RPGRIP1L: variants seen among roughly 807,000 people sequenced by gnomAD.
The protein encoded by RPGRIP1L is protein fantom.
A neutral mutation model predicts 160.4 loss-of-function variants in RPGRIP1L; 131 were observed. The observed-to-expected ratio is 0.82, with a 90% CI of 0.71 to 0.94. RPGRIP1L has a LOEUF of 0.94. Ranked by LOEUF, RPGRIP1L falls within the 40% of genes least tolerant of loss-of-function variation. The probability of loss-of-function intolerance (pLI) is 0.00; values close to 1 mark genes in which losing one functional copy is unlikely to be tolerated. For missense variants in RPGRIP1L, 1,522 were observed against 1,535.8 expected, an observed-to-expected ratio of 0.99 and a Z score of 0.15; for synonymous variants, 510 against 515.8, an observed-to-expected ratio of 0.99 and a Z score of 0.15.
intron 10 of RPGRIP1L, chr16:53,659,202 A>AT (rs1170162469): frequency 3.6e-5 from 35 of 982,546 alleles, no homozygotes; most frequent in East Asian, 9.2e-5. Flanking sequence ...AAAATCTGTG[A>AT]TTTTTTACTT....
chr16:53,701,735 A>G (rs1413283719), intron 1 of RPGRIP1L: 1 of 151,928 alleles, frequency 6.6e-6, no homozygotes, highest in Non-Finnish European at 1.5e-5. Flanking sequence ...TTCTGAGAGC[A>G]GGCATTCATT....
chr16:53,671,442 AC>A (rs1367571604), intron 9 of RPGRIP1L, 67 bp downstream of exon 9: 2 of 980,366 alleles, frequency 2.0e-6, no homozygotes, highest in African/African-American at 3.2e-5. Context: ...TATTCTGACA[AC>A]AGCAAATGCT....
rs1053281136 is a variant in RPGRIP1L, at chr16:53,598,832, C to A, written c.*3244G>T. 3.3e-5 allele frequency: 5 copies of A among 152,176 alleles called. No individual in the cohort carries two copies. The highest frequency in any genetic ancestry group is 1.2e-4 in the African/African-American group (5 of 41,446). 9.4% of individuals were successfully genotyped at this position (152,176 alleles called of 1,614,324 possible). A position where few individuals can be genotyped will look rare whatever the true frequency, so the allele number is the denominator to read the frequency against. ...GAATTATCATCCTGATATTGTCAAT[C>A]ACTTGATAATTTTTATCCCAAAATC... On this transcript the variant is annotated 3_prime_UTR_variant, in exon 27 of 27. Transcript: ENST00000647211.
chr16:53,643,587 C>T (rs1447513980), intron 17 of RPGRIP1L, among the ~76,000 whole-genome samples: 1 of 152,148 alleles, frequency 6.6e-6, no homozygotes, highest in Non-Finnish European at 1.5e-5. Context: ...GGTGTTTAAG[C>T]ACACCTTTGA....
At position 53,601,008 on chromosome 16, in the gene RPGRIP1L, G is replaced by A. The variant is rs928991861; in HGVS notation, c.*1068C>T. On this transcript the variant is annotated 3_prime_UTR_variant, in exon 27 of 27. Transcript: ENST00000647211. Reference sequence around the variant, plus strand: ...TTTGAAGAAAATGACAAATAAAAAAGTAAATTAAAAAATGAAATGCATTAT... The same window carrying A: ...TTTGAAGAAAATGACAAATAAAAAAATAAATTAAAAAATGAAATGCATTAT... 1 of 152,540 alleles carries A rather than the reference G, an allele frequency of 6.6e-6. No homozygotes were observed. The highest frequency in any genetic ancestry group is 2.4e-5 in the African/African-American group (1 of 41,430). The allele number at this position is 152,540 out of a possible 1,614,324, so 9.4% of individuals were successfully genotyped here.
rs772351648 is a variant in RPGRIP1L, at chr16:53,636,476, C to T, written c.3257G>A (p.Cys1086Tyr). 8 of 1,612,314 alleles carry T rather than the reference C, an allele frequency of 5.0e-6. No homozygotes were observed. In the Admixed American group the frequency reaches 8.3e-5, roughly 17 times the overall value. The stretch of plus-strand genomic sequence containing the variant: ...CTTGGAGATAGGACCTGGAATAATA[C>T]AGTCATCACTGTCAGAAGCTGACAT... Reference protein sequence around the residue: ...EDMSASDSDDCIIPGPISKNI... With the variant: ...EDMSASDSDDYIIPGPISKNI... The change falls in exon 22 of 27, where the codon TGT (cysteine) becomes TAT (tyrosine). Residue 1086 changes from cysteine to tyrosine, a missense_variant. Coordinates refer to ENST00000647211, the MANE Select transcript of RPGRIP1L (RefSeq NM_015272.5).
intron 23 of RPGRIP1L, among the ~76,000 whole-genome samples, chr16:53,621,476 G>A (rs925960702): frequency 1.1e-4 from 15 of 137,730 alleles, no homozygotes; most frequent in African/African-American, 3.5e-4. Context: ...CCATTACTTC[G>A]ATCAAATGTC....
intron 6 of RPGRIP1L, among the ~76,000 whole-genome samples, chr16:53,680,916 T>A (rs1411107561): frequency 6.6e-6 from 1 of 152,102 alleles, no homozygotes. Flanking sequence ...AAAGAAGGCT[T>A]AAGCAAGAGC....
At chr16:53,608,220 T>C (rs1249507354) in intron 25 of RPGRIP1L, among the ~76,000 whole-genome samples, 1 of 152,112 alleles carries the variant, frequency 6.6e-6, no homozygotes. Context: ...TCTGAGCTTT[T>C]TGTGACTTGA....
intron 16 of RPGRIP1L, among the ~76,000 whole-genome samples, chr16:53,647,016 A>T (rs2151089389): frequency 6.6e-6 from 1 of 152,326 alleles, no homozygotes; most frequent in South Asian, 2.1e-4. Flanking sequence ...CAATCTACAC[A>T]CCAGAGCTGA....
intron 14 of RPGRIP1L, chr16:53,653,476 C>A: frequency 3.4e-6 from 1 of 298,182 alleles, no homozygotes; most frequent in Non-Finnish European, 5.0e-6. Flanking sequence ...AGAGGCCAAC[C>A]AAATATCACC....
intron 6 of RPGRIP1L, among the ~76,000 whole-genome samples, chr16:53,683,763 T>C (rs1969780573): frequency 6.6e-6 from 1 of 150,498 alleles, no homozygotes; most frequent in African/African-American, 2.4e-5. Context: ...AAAGATAAAG[T>C]ATTGTTGAAA....
intron 26 of RPGRIP1L, among the ~76,000 whole-genome samples, chr16:53,603,442 T>C (rs1963490179): frequency 6.6e-6 from 1 of 152,108 alleles, no homozygotes; most frequent in African/African-American, 2.4e-5. Flanking sequence ...CAACCACCCA[T>C]CTTAGCCTCC....
intron 6 of RPGRIP1L, among the ~76,000 whole-genome samples, chr16:53,678,747 A>T (rs1230025476): frequency 1.3e-5 from 2 of 152,160 alleles, no homozygotes; most frequent in Non-Finnish European, 2.9e-5. Flanking sequence ...GAATGGAGAG[A>T]CTGTTTTGAG....
intron 17 of RPGRIP1L, among the ~76,000 whole-genome samples, chr16:53,642,413 C>T (rs529122730): frequency 1.3e-5 from 2 of 151,336 alleles, no homozygotes; most frequent in East Asian, 3.9e-4. Context: ...AGTGTTGATA[C>T]TCCTTTTAAT....
intron 7 of RPGRIP1L, among the ~76,000 whole-genome samples, chr16:53,673,347 A>C (rs1030318167): frequency 7.2e-5 from 11 of 152,150 alleles, no homozygotes; most frequent in African/African-American, 2.7e-4. Context: ...CTGTGGTTAC[A>C]TTGGTTGGAC....
chr16:53,649,722 G>C (rs995703229), intron 15 of RPGRIP1L, among the ~76,000 whole-genome samples: 1 of 152,182 alleles, frequency 6.6e-6, no homozygotes, highest in Non-Finnish European at 1.5e-5. Flanking sequence ...CTTCCATGGG[G>C]AAGACTTTCT....
intron 10 of RPGRIP1L, chr16:53,659,341 A>G (rs1967564210): frequency 3.9e-6 from 1 of 253,336 alleles, no homozygotes; most frequent in Non-Finnish European, 6.5e-6. Flanking sequence ...TTTCCAGAAC[A>G]TGGTAGGGGG....
intron 14 of RPGRIP1L, among the ~76,000 whole-genome samples, chr16:53,654,837 C>G (rs1486273731): frequency 6.6e-6 from 1 of 152,134 alleles, no homozygotes; most frequent in Non-Finnish European, 1.5e-5. Flanking sequence ...TTCCATTAAA[C>G]AAATTTTTAT....
Sources: gnomAD v4.1 joint callset for allele counts (sites outside exome capture counted in the v4.1 genomes callset) on GRCh38, gnomAD v4.1.1 for gene constraint, MANE v1.5 for transcripts, NCBI Gene and HGNC (gene_info 2026-07-23, HGNC 2026-07-21) for gene names.